Variants in FRMD4A observed in about 807,000 individuals in gnomAD.
FRMD4A encodes the protein FERM domain-containing protein 4A.
Under a neutral mutation model 129.1 loss-of-function variants are expected in FRMD4A, and 29 were observed. The ratio of observed to expected loss-of-function variants is 0.22; its 90% CI spans 0.17 to 0.31. The LOEUF is 0.31. Ranked by LOEUF, FRMD4A falls within the 10% of genes least tolerant of loss-of-function variation. FRMD4A has a pLI of 1.00. For synonymous variants in FRMD4A, 634 were observed against 571.6 expected (o/e 1.11, Z -1.56); for missense variants, 1,272 against 1,375.8 (o/e 0.92, Z 1.19).
chr10:14,148,191 T>G (rs1379609270), intron 2 of FRMD4A, among the ~76,000 whole-genome samples: 2 of 152,230 alleles, frequency 1.3e-5, no homozygotes, highest in Non-Finnish European at 2.9e-5. Context: ...CTTACTATTC[T>G]GGAGTCCACA....
At chr10:14,078,451 T>C (rs1835737774) in intron 2 of FRMD4A, among the ~76,000 whole-genome samples, 1 of 152,184 alleles carries the variant, frequency 6.6e-6, no homozygotes, top group Non-Finnish European at 1.5e-5. Context: ...TCTACATAAA[T>C]CCAGGTTAAA....
At chr10:13,686,017 A>C (rs1161724556) in intron 15 of FRMD4A, among the ~76,000 whole-genome samples, 1 of 152,252 alleles carries the variant, frequency 6.6e-6, no homozygotes, top group Non-Finnish European at 1.5e-5. Flanking sequence ...AGTCCTGCTC[A>C]AACATGTCCA....
At chr10:13,787,877 GAAA>G (rs35463521) in intron 5 of FRMD4A, among the ~76,000 whole-genome samples, 17 of 146,470 alleles carry the variant, frequency 1.2e-4, no homozygotes, top group African/African-American at 4.0e-4. Context: ...CAAAAAAAAA[GAAA>G]AAAAAAAAAA....
intron 2 of FRMD4A, among the ~76,000 whole-genome samples, chr10:13,934,021 A>G (rs1321180688): frequency 6.6e-6 from 1 of 152,248 alleles, no homozygotes; most frequent in African/African-American, 2.4e-5. Flanking sequence ...GTAAAGGAAC[A>G]TTGAAACCAT....
chr10:14,189,117 A>G (rs1842238090), intron 2 of FRMD4A, among the ~76,000 whole-genome samples: 1 of 152,184 alleles, frequency 6.6e-6, no homozygotes, highest in Non-Finnish European at 1.5e-5. Context: ...ATGGTGTCCT[A>G]TAGACAGTGA....
chr10:13,703,666 A>G (rs1413696254), intron 13 of FRMD4A, among the ~76,000 whole-genome samples: 1 of 152,354 alleles, frequency 6.6e-6, no homozygotes, highest in African/African-American at 2.4e-5. Flanking sequence ...AAGCAAGGCC[A>G]CAAGCAATAG....
chr10:13,740,480 G>A, intron 10 of FRMD4A, 32 bp downstream of exon 10: 1 of 1,275,686 alleles, frequency 7.8e-7, no homozygotes, highest in Non-Finnish European at 1.1e-6. Flanking sequence ...CACAAACACT[G>A]TCCCCATGTG....
chr10:14,186,028 G>C (rs149974294), intron 2 of FRMD4A, among the ~76,000 whole-genome samples: 1 of 152,120 alleles, frequency 6.6e-6, no homozygotes, highest in East Asian at 1.9e-4. Flanking sequence ...GCAGTGGGCA[G>C]AAGTGCGGGC....
At chr10:14,119,316 C>G (rs1444844638) in intron 2 of FRMD4A, among the ~76,000 whole-genome samples, 1 of 152,136 alleles carries the variant, frequency 6.6e-6, no homozygotes, top group Non-Finnish European at 1.5e-5. Flanking sequence ...CTCAAACAAG[C>G]CTTAAAACTA....
chr10:13,896,302 A>T (rs1462538345), intron 2 of FRMD4A, among the ~76,000 whole-genome samples: 1 of 152,236 alleles, frequency 6.6e-6, no homozygotes, highest in African/African-American at 2.4e-5. Flanking sequence ...GGATAAAGAA[A>T]ATGTGGCACA....
intron 2 of FRMD4A, among the ~76,000 whole-genome samples, chr10:14,169,121 A>ATAGCAT (rs58377324): frequency 1 from 152,252 of 152,260 alleles, 76,122 homozygotes; most frequent in Middle Eastern, 1. Context: ...GAAAAATTAA[A>ATAGCAT]CATAAAAATA....
intron 3 of FRMD4A, among the ~76,000 whole-genome samples, chr10:13,858,194 G>C (rs1452470452): frequency 6.6e-6 from 1 of 152,184 alleles, no homozygotes; most frequent in Non-Finnish European, 1.5e-5. Context: ...AGCACTTTGG[G>C]AGGCCGAGGC....
intron 2 of FRMD4A, among the ~76,000 whole-genome samples, chr10:14,031,674 T>TA (rs1833252165): frequency 6.6e-6 from 1 of 152,214 alleles, no homozygotes; most frequent in South Asian, 2.1e-4. Context: ...GCGAAGCTCT[T>TA]AGAGCTGGTC....
At position 14,052,642 on chromosome 10, in the gene FRMD4A, T is replaced by G. The variant is rs141144485; in HGVS notation, c.46-193730A>C. ...GGCACAGTCTTGGCTCACTGCAACC[T>G]CCGCCTCCCAGGTTCAAGTGATTCT... On this transcript the variant is annotated intron_variant, in intron 2 of 24. Coordinates refer to ENST00000357447, the MANE Select transcript of FRMD4A (RefSeq NM_018027.5). Among the ~76,000 whole-genome samples the G allele has an allele frequency of 4.8e-3, 729 of 152,222 alleles. 7 individuals carry two copies. The highest frequency in any genetic ancestry group is 0.017 in the African/African-American group (709 of 41,540).
At chr10:14,218,452 C>T (rs1264179147) in intron 2 of FRMD4A, among the ~76,000 whole-genome samples, 2 of 152,172 alleles carry the variant, frequency 1.3e-5, no homozygotes, top group African/African-American at 4.8e-5. Flanking sequence ...ATCATAATCC[C>T]TTACATTTGT....
At chr10:13,684,676 C>A in intron 15 of FRMD4A, 3 of 985,288 alleles carry the variant, frequency 3.0e-6, no homozygotes, top group Non-Finnish European at 3.6e-6. Flanking sequence ...TTGTCAGGAG[C>A]CACGCGTGGC....
At chr10:14,215,901 G>A (rs1324992199) in intron 2 of FRMD4A, among the ~76,000 whole-genome samples, 2 of 152,054 alleles carry the variant, frequency 1.3e-5, no homozygotes, top group Admixed American at 6.6e-5. Flanking sequence ...CCTGCATGTC[G>A]AAGGGGAAAT....
chr10:14,228,287 G>C (rs1212267497), intron 2 of FRMD4A, among the ~76,000 whole-genome samples: 1 of 152,164 alleles, frequency 6.6e-6, no homozygotes, highest in African/African-American at 2.4e-5. Flanking sequence ...TATCCTCACA[G>C]AGCATATACA....
intron 2 of FRMD4A, among the ~76,000 whole-genome samples, chr10:14,152,941 C>G (rs915380065): frequency 2.0e-5 from 3 of 152,146 alleles, no homozygotes; most frequent in African/African-American, 7.2e-5. Context: ...TAGTCTCTGG[C>G]AGAGCCCCAG....
Sources: allele counts gnomAD v4.1 joint callset (sites outside exome capture counted in the v4.1 genomes callset), GRCh38; gene constraint gnomAD v4.1.1; transcripts MANE v1.5; gene names NCBI Gene and HGNC (gene_info 2026-07-23, HGNC 2026-07-21).